Variants in EPHA6 observed in about 807,000 individuals in gnomAD.
EPHA6 encodes ephrin type-A receptor 6.
EPHA6 carries 50 observed loss-of-function variants against 112.0 expected under a neutral mutation model. That is an observed-to-expected ratio of 0.45 (90% CI 0.36 to 0.56). The LOEUF (loss-of-function observed/expected upper bound fraction) is 0.56. Among genes scored for constraint, EPHA6 ranks in the 20% least tolerant of loss-of-function variants. EPHA6 has a pLI of 0.00. For missense variants in EPHA6, 1,280 were observed against 1,417.4 expected, an observed-to-expected ratio of 0.90 and a Z score of 1.56; for synonymous variants, 529 against 490.7, an observed-to-expected ratio of 1.08 and a Z score of -1.03.
intron 4 of EPHA6, among the ~76,000 whole-genome samples, chr3:97,239,420 C>G (rs888561601): frequency 6.6e-6 from 1 of 151,854 alleles, no homozygotes; most frequent in Admixed American, 6.6e-5. Flanking sequence ...AAACCTGCAT[C>G]TAACTTTTGG....
intron 5 of EPHA6, among the ~76,000 whole-genome samples, chr3:97,265,617 C>A (rs2108629069): frequency 6.6e-6 from 1 of 152,318 alleles, no homozygotes; most frequent in African/African-American, 2.4e-5. Context: ...TCCCAAGACC[C>A]CGAGGGTGCA....
intron 14 of EPHA6, among the ~76,000 whole-genome samples, chr3:97,692,806 T>C (rs1454344007): frequency 1.3e-5 from 2 of 152,174 alleles, no homozygotes; most frequent in Non-Finnish European, 2.9e-5. Flanking sequence ...AATTAAAAAA[T>C]ACATATGGGC....
At chr3:97,211,735 C>T (rs2077882441) in intron 3 of EPHA6, among the ~76,000 whole-genome samples, 1 of 152,178 alleles carries the variant, frequency 6.6e-6, no homozygotes, top group African/African-American at 2.4e-5. Context: ...TACACACACT[C>T]AGTCAATAAC....
intron 7 of EPHA6, among the ~76,000 whole-genome samples, chr3:97,471,659 A>G (rs2091233225): frequency 6.6e-6 from 1 of 151,656 alleles, no homozygotes. Flanking sequence ...CTTCACGTAC[A>G]TTGTATAGCT....
At chr3:97,427,910 C>A (rs2107218412) in intron 6 of EPHA6, among the ~76,000 whole-genome samples, 1 of 152,148 alleles carries the variant, frequency 6.6e-6, no homozygotes. Context: ...GACACTGGGG[C>A]CTACTTGAGG....
At chr3:96,955,511 T>C (rs1460643929) in intron 2 of EPHA6, among the ~76,000 whole-genome samples, 1 of 152,140 alleles carries the variant, frequency 6.6e-6, no homozygotes, top group Non-Finnish European at 1.5e-5. Flanking sequence ...GTTACAGAAA[T>C]TAGGTTTGTT....
intron 5 of EPHA6, among the ~76,000 whole-genome samples, chr3:97,370,492 A>G (rs917410640): frequency 6.6e-6 from 1 of 152,178 alleles, no homozygotes; most frequent in Non-Finnish European, 1.5e-5. Flanking sequence ...TATAATATAC[A>G]CACCATGTCA....
intron 2 of EPHA6, among the ~76,000 whole-genome samples, chr3:96,952,979 G>A (rs2107726414): frequency 6.6e-6 from 1 of 152,122 alleles, no homozygotes; most frequent in Non-Finnish European, 1.5e-5. Context: ...GTTTACCTGT[G>A]TAACAAACCT....
At chr3:96,983,547 C>G (rs1444798282) in intron 2 of EPHA6, among the ~76,000 whole-genome samples, 3 of 152,078 alleles carry the variant, frequency 2.0e-5, no homozygotes. Context: ...TTGCTCTTCT[C>G]GAGGAATATC....
At chr3:97,383,723 G>T (rs375819073) in intron 5 of EPHA6, among the ~76,000 whole-genome samples, 2 of 152,052 alleles carry the variant, frequency 1.3e-5, no homozygotes, top group South Asian at 2.1e-4. Flanking sequence ...GGAAATGTGC[G>T]CAGTATATTA....
chr3:97,739,222 G>C (rs9836608), intron 16 of EPHA6, among the ~76,000 whole-genome samples: 6,148 of 152,144 alleles, frequency 0.04, 266 homozygotes, highest in East Asian at 0.13. Flanking sequence ...CTGAAAAGGA[G>C]TCCAGGTGTA....
chr3:97,334,478 CTTTTTTTT>C (rs1354125066), intron 5 of EPHA6, among the ~76,000 whole-genome samples: 1 of 128,066 alleles, frequency 7.8e-6, no homozygotes, highest in Non-Finnish European at 1.7e-5. Flanking sequence ...TTTTTTTCTT[CTTTTTTTT>C]TTTTTTTTGA....
intron 3 of EPHA6, among the ~76,000 whole-genome samples, chr3:97,055,568 G>A (rs1206770404): frequency 2.6e-5 from 4 of 152,096 alleles, no homozygotes; most frequent in South Asian, 4.1e-4. Flanking sequence ...ACAGCTGAGT[G>A]CTTAAGTGTG....
chr3:97,437,600 G>A (rs2089917594), intron 6 of EPHA6, among the ~76,000 whole-genome samples: 1 of 152,042 alleles, frequency 6.6e-6, no homozygotes, highest in African/African-American at 2.4e-5. Context: ...CTAAACTACT[G>A]ACATCAGCAG....
intron 6 of EPHA6, among the ~76,000 whole-genome samples, chr3:97,437,264 G>A (rs111490830): frequency 0.12 from 18,765 of 151,970 alleles, 3,719 homozygotes; most frequent in African/African-American, 0.41. Context: ...TCTTTTTGAA[G>A]CATATATTAT....
At chr3:97,011,790 C>T (rs1487818964) in intron 3 of EPHA6, among the ~76,000 whole-genome samples, 2 of 152,114 alleles carry the variant, frequency 1.3e-5, no homozygotes, top group African/African-American at 4.8e-5. Flanking sequence ...AACCCTTATC[C>T]CCCACCCGGC....
chr3:96,829,949 G>GCGCGCGCGCGCGCGCACACA (rs373416797), intron 1 of EPHA6, among the ~76,000 whole-genome samples: 14 of 136,030 alleles, frequency 1.0e-4, no homozygotes, highest in African/African-American at 3.6e-4. Context: ...GCGCGCGCGC[G>GCGCGCGCGCGCGCGCACACA]CACACACACA....
At chr3:97,722,457 T>C (rs758952025) in intron 15 of EPHA6, among the ~76,000 whole-genome samples, 2 of 152,142 alleles carry the variant, frequency 1.3e-5, no homozygotes, top group Non-Finnish European at 2.9e-5. Context: ...TGGTGACTTA[T>C]TAATGCTCTT....
intron 10 of EPHA6, among the ~76,000 whole-genome samples, chr3:97,522,281 G>T (rs372425418): frequency 1.7e-4 from 26 of 152,192 alleles, no homozygotes; most frequent in African/African-American, 6.3e-4. Context: ...TTTGTCAAAT[G>T]CTTTTTCTGT....
Sources: gnomAD v4.1 joint callset for allele counts (sites outside exome capture counted in the v4.1 genomes callset) on GRCh38, gnomAD v4.1.1 for gene constraint, MANE v1.5 for transcripts, NCBI Gene and HGNC (gene_info 2026-07-23, HGNC 2026-07-21) for gene names.